AK8: variants seen among roughly 807,000 people sequenced by gnomAD.
AK8 encodes the protein ATP-AMP transphosphorylase 8.
A neutral mutation model predicts 54.6 loss-of-function variants in AK8; 44 were observed. That is an observed-to-expected ratio of 0.81 (90% CI 0.63 to 1.04). The LOEUF is 1.04. Among genes scored for constraint, AK8 ranks in the 50% least tolerant of loss-of-function variants. AK8 has a pLI of 0.00. For missense variants in AK8, 555 were observed against 613.6 expected (o/e 0.90, Z 1.01); for synonymous variants, 239 against 245.6 (o/e 0.97, Z 0.25).
At chr9:132,829,997 T>C (rs1304445734) in intron 5 of AK8, among the ~76,000 whole-genome samples, 2 of 152,152 alleles carry the variant, frequency 1.3e-5, no homozygotes, top group Middle Eastern at 3.2e-3. Flanking sequence ...TTCTGGTATA[T>C]CTCCTTCCAA....
At chr9:132,814,116 A>G (rs923455638) in intron 10 of AK8, among the ~76,000 whole-genome samples, 4 of 151,534 alleles carry the variant, frequency 2.6e-5, no homozygotes, top group African/African-American at 9.7e-5. Context: ...CATCTCTACA[A>G]AGAATACAAA....
At chr9:132,866,229 C>T (rs1403992098) in intron 3 of AK8, among the ~76,000 whole-genome samples, 1 of 152,132 alleles carries the variant, frequency 6.6e-6, no homozygotes, top group East Asian at 1.9e-4. Flanking sequence ...AAGATCGAAG[C>T]CACAGATAAA....
intron 11 of AK8, among the ~76,000 whole-genome samples, chr9:132,760,611 A>G (rs568848181): frequency 6.6e-6 from 1 of 152,212 alleles, no homozygotes; most frequent in Admixed American, 6.5e-5. Flanking sequence ...ACTGTTTAAT[A>G]ATGTTTCATA....
intron 11 of AK8, among the ~76,000 whole-genome samples, chr9:132,750,028 T>C (rs1037544572): frequency 6.6e-6 from 1 of 151,884 alleles, no homozygotes; most frequent in African/African-American, 2.4e-5. Flanking sequence ...AGCACACTTA[T>C]ATTGAGTTTC....
At chr9:132,833,346 A>G (rs765336017) in intron 5 of AK8, among the ~76,000 whole-genome samples, 1 of 152,238 alleles carries the variant, frequency 6.6e-6, no homozygotes, top group Non-Finnish European at 1.5e-5. Flanking sequence ...ATCAGTAAAT[A>G]GCACCCGACA....
At chr9:132,766,965 T>C (rs1158052014) in intron 11 of AK8, among the ~76,000 whole-genome samples, 1 of 152,154 alleles carries the variant, frequency 6.6e-6, no homozygotes, top group Non-Finnish European at 1.5e-5. Flanking sequence ...TCTCTCCTCA[T>C]AGACAAAAAT....
At chr9:132,757,757 A>G (rs2131040438) in intron 11 of AK8, among the ~76,000 whole-genome samples, 1 of 152,350 alleles carries the variant, frequency 6.6e-6, no homozygotes, top group South Asian at 2.1e-4. Flanking sequence ...CATTACTGAA[A>G]TACTCTATCT....
chr9:132,809,851 A>T (rs1840913570), intron 10 of AK8, among the ~76,000 whole-genome samples: 1 of 152,258 alleles, frequency 6.6e-6, no homozygotes, highest in Non-Finnish European at 1.5e-5. Flanking sequence ...AGGGGGCCTC[A>T]GCCAGCTGGG....
At chr9:132,832,985 G>A (rs956217287) in intron 5 of AK8, among the ~76,000 whole-genome samples, 7 of 152,124 alleles carry the variant, frequency 4.6e-5, no homozygotes, top group Admixed American at 2.0e-4. Flanking sequence ...CAAGGTCCCC[G>A]AGGAAGCCCT....
chr9:132,878,317 GT>G, upstream of AK8: 1 of 1,317,710 alleles, frequency 7.6e-7, no homozygotes, highest in Admixed American at 3.3e-5. The surrounding 1 kb of genome is among the most constrained non-coding windows in gnomAD (Gnocchi z 4.7). Context: ...CGCCGACTGC[GT>G]CATCAGCACG....
At chr9:132,865,669 T>A (rs1353510240) in intron 3 of AK8, among the ~76,000 whole-genome samples, 1 of 151,678 alleles carries the variant, frequency 6.6e-6, no homozygotes, top group African/African-American at 2.4e-5. Context: ...AAAAATTAGC[T>A]GGGCATGGTG....
At chr9:132,857,623 C>T (rs1843226135) in intron 4 of AK8, among the ~76,000 whole-genome samples, 1 of 152,206 alleles carries the variant, frequency 6.6e-6, no homozygotes, top group Non-Finnish European at 1.5e-5. Flanking sequence ...GCTGTTTTTC[C>T]CAGATTCCTC....
intron 11 of AK8, among the ~76,000 whole-genome samples, chr9:132,745,365 G>C (rs1278005668): frequency 6.6e-6 from 1 of 152,132 alleles, no homozygotes; most frequent in Non-Finnish European, 1.5e-5. Flanking sequence ...TCGACTTTAC[G>C]GGGCTGTCAC....
At chr9:132,733,586 G>A (rs548016268) in intron 11 of AK8, among the ~76,000 whole-genome samples, 2 of 152,370 alleles carry the variant, frequency 1.3e-5, no homozygotes, top group East Asian at 3.9e-4. Flanking sequence ...CACGCTGCTG[G>A]GGACAGCCTC....
intron 10 of AK8, among the ~76,000 whole-genome samples, chr9:132,804,443 C>T (rs1202822192): frequency 6.6e-6 from 1 of 152,106 alleles, no homozygotes; most frequent in Non-Finnish European, 1.5e-5. Context: ...GGGGGGAGGT[C>T]AGAGTCCTGC....
intron 11 of AK8, among the ~76,000 whole-genome samples, chr9:132,749,424 C>A (rs1837801204): frequency 6.6e-6 from 1 of 151,914 alleles, no homozygotes; most frequent in Non-Finnish European, 1.5e-5. Flanking sequence ...GTGCGAGGCC[C>A]CTCGTAAGGT....
rs574556889 is a variant in AK8 at position 132,771,411 on chromosome 9, C to A, written c.1121+21223G>T. 3.3e-5 allele frequency among the ~76,000 whole-genome samples: 5 copies of A among 152,290 alleles called. 2 individuals are homozygous for A. On this transcript the variant is annotated intron_variant, in intron 11 of 12. Coordinates refer to ENST00000298545, the MANE Select transcript of AK8 (RefSeq NM_152572.3). ...TGGCAGCCCTCTCTGGATGTTTTTA[C>A]GAGATTCTGTTTATGAAAATGTGTC...
At chr9:132,812,565 G>GGATGA (rs1564415189) in intron 10 of AK8, among the ~76,000 whole-genome samples, 11 of 4,636 alleles carry the variant, frequency 2.4e-3, no homozygotes, top group South Asian at 6.3e-3. Context: ...GCCGCGCCCG[G>GGATGA]CCGCTAGGTG....
rs1173168806 is a variant in AK8, at chr9:132,860,257, G to C, written c.333+3408C>G. Among the ~76,000 whole-genome samples, 4 of 143,284 alleles carry C rather than the reference G, an allele frequency of 2.8e-5. No homozygotes were observed. Among genetic ancestry groups the C allele is most frequent in the Non-Finnish European group, 6.0e-5 (4 of 66,298 alleles). The allele number at this position is 143,284 out of a possible 152,430, so 94.0% of individuals were successfully genotyped here. ...GGAGCCATAAGAACACCATCTCCTC[G>C]GCGAGATTTATAACTCTGGCTGGCC... On this transcript the variant is annotated intron_variant, in intron 4 of 12. Coordinates refer to ENST00000298545, the MANE Select transcript of AK8 (RefSeq NM_152572.3). This position sits in a 1 kb window ranked among gnomAD's most constrained non-coding sequence, Gnocchi z 4.4.
Sources: gnomAD v4.1 joint callset for allele counts (sites outside exome capture counted in the v4.1 genomes callset) on GRCh38, gnomAD v4.1.1 for gene constraint, Gnocchi (gnomAD v3.1) non-coding constraint, MANE v1.5 for transcripts, NCBI Gene and HGNC (gene_info 2026-07-23, HGNC 2026-07-21) for gene names.